Variants in GPR137B observed in about 807,000 individuals in gnomAD.
GPR137B encodes the protein integral membrane protein GPR137B.
In GPR137B, 42 loss-of-function variants were observed where a neutral mutation model predicts 42.5. The ratio of observed to expected loss-of-function variants is 0.99; its 90% confidence interval spans 0.77 to 1.28. The LOEUF is 1.28. Among genes scored for constraint, GPR137B ranks in the 50% most tolerant of loss-of-function variants. The pLI, the probability that GPR137B is intolerant of heterozygous loss-of-function variation, is 0.00. For synonymous variants in GPR137B, 218 were observed against 209.7 expected (o/e 1.04, Z -0.34); for missense variants, 487 against 493.9 (o/e 0.99, Z 0.13).
In GPR137B at chr1:236,188,578, A is replaced by G. The variant is rs1571998864; in HGVS notation, c.966+4672A>G. On this transcript the variant is annotated intron_variant, in intron 5 of 6. Coordinates refer to ENST00000366592, the MANE Select transcript of GPR137B (RefSeq NM_003272.4). Reference sequence around the variant, plus strand: ...CTTTTCTGCATCTATTGAGATCATCATGTAGTTTTTGTCATTGGTTCTGTT... The same window carrying G: ...CTTTTCTGCATCTATTGAGATCATCGTGTAGTTTTTGTCATTGGTTCTGTT... 2.0e-5 allele frequency among the ~76,000 whole-genome samples: 3 copies of G among 152,208 alleles called. No homozygotes were observed. In the South Asian group the frequency reaches 6.2e-4, roughly 32 times the overall value.
intron 1 of GPR137B, among the ~76,000 whole-genome samples, chr1:236,147,847 C>T (rs909234105): frequency 3.3e-5 from 5 of 152,220 alleles, no homozygotes; most frequent in South Asian, 4.1e-4. Flanking sequence ...TCTCCATCTC[C>T]ACTCTCCACC....
chr1:236,207,250 C>T, intron 6 of GPR137B: 10 of 985,202 alleles, frequency 1.0e-5, no homozygotes, highest in Non-Finnish European at 1.2e-5. Context: ...AGAAAGCTGC[C>T]CAATGCGCTG....
At position 236,180,074 on chromosome 1, in the gene GPR137B, G is replaced by C. The variant is rs767330142; in HGVS notation, c.837+46G>C. ...GGTGTCACCTGACCAGGGACTCTTG[G>C]TATCCTCGAGGCATTGGTTCCAGGA... On this transcript the variant is annotated intron_variant, in intron 4 of 6. Coordinates refer to ENST00000366592, the MANE Select transcript of GPR137B (RefSeq NM_003272.4). 5.9e-6 allele frequency: 9 copies of C among 1,537,622 alleles called. No homozygotes were observed. In the Admixed American group the frequency reaches 1.5e-4, roughly 26 times the overall value.
At chr1:236,146,958 G>A (rs1185410328) in intron 1 of GPR137B, among the ~76,000 whole-genome samples, 12 of 152,248 alleles carry the variant, frequency 7.9e-5, no homozygotes, top group Admixed American at 2.0e-4. Flanking sequence ...ACAGGTGTGC[G>A]CCACCACGCC....
intron 6 of GPR137B, among the ~76,000 whole-genome samples, chr1:236,206,152 T>C (rs2102928589): frequency 6.6e-6 from 1 of 152,376 alleles, no homozygotes; most frequent in Admixed American, 6.5e-5. Context: ...CTATAGCATC[T>C]ACTCTGTATC....
At chr1:236,182,486 G>A (rs1170313147) in intron 4 of GPR137B, among the ~76,000 whole-genome samples, 1 of 152,066 alleles carries the variant, frequency 6.6e-6, no homozygotes, top group East Asian at 1.9e-4. Flanking sequence ...GGGTGCAGTG[G>A]CCTGTAATCC....
chr1:236,161,108 A>G (rs997801244), intron 1 of GPR137B, among the ~76,000 whole-genome samples: 3 of 152,062 alleles, frequency 2.0e-5, no homozygotes, highest in Admixed American at 2.0e-4. Context: ...AGGCCCAGGC[A>G]TCATGAATCT....
At chr1:236,149,095 C>T (rs1299034643) in intron 1 of GPR137B, among the ~76,000 whole-genome samples, 3 of 152,236 alleles carry the variant, frequency 2.0e-5, no homozygotes, top group Non-Finnish European at 4.4e-5. Flanking sequence ...CTTGCTTCGA[C>T]ACCCAGCCAC....
intron 3 of GPR137B, 84 bp from the exon 4 acceptor site, chr1:236,179,795 C>T (rs375338240): frequency 9.8e-7 from 1 of 1,020,144 alleles, no homozygotes; most frequent in African/African-American, 1.6e-5. Context: ...AGGGCTTTAC[C>T]AGACTGATAG....
At chr1:236,204,580 T>C (rs1416878567) in intron 5 of GPR137B, among the ~76,000 whole-genome samples, 1 of 152,134 alleles carries the variant, frequency 6.6e-6, no homozygotes, top group African/African-American at 2.4e-5. Context: ...TTGCCTTTTT[T>C]CTCCTTGTTA....
chr1:236,180,201 C>T (rs2102911658), intron 4 of GPR137B, 173 bp downstream of exon 4: 1 of 578,874 alleles, frequency 1.7e-6, no homozygotes, highest in Non-Finnish European at 3.1e-6. Flanking sequence ...TTAAATTAAT[C>T]TCTAGATGAT....
At chr1:236,198,048 A>G (rs1663390834) in intron 5 of GPR137B, among the ~76,000 whole-genome samples, 1 of 151,986 alleles carries the variant, frequency 6.6e-6, no homozygotes. Flanking sequence ...TACGAGTACT[A>G]TGCTGTTTTG....
intron 2 of GPR137B, among the ~76,000 whole-genome samples, chr1:236,174,412 A>C (rs757236329): frequency 2.6e-5 from 4 of 152,196 alleles, no homozygotes; most frequent in Non-Finnish European, 4.4e-5. Flanking sequence ...GCCTGTCCAT[A>C]GATTGAGCTG....
intron 5 of GPR137B, among the ~76,000 whole-genome samples, chr1:236,186,006 A>G (rs1314674138): frequency 6.6e-6 from 1 of 151,356 alleles, no homozygotes; most frequent in Non-Finnish European, 1.5e-5. Context: ...CGACTTTCAT[A>G]TGAATGGAAT....
chr1:236,164,203 G>T (rs938280926), intron 1 of GPR137B, among the ~76,000 whole-genome samples: 7 of 152,150 alleles, frequency 4.6e-5, no homozygotes, highest in Non-Finnish European at 7.3e-5. Context: ...TCCAACCCAG[G>T]GTCTGATGCA....
chr1:236,168,503 TTTAACCATGTTCGAATTCCTTTACTA>T (rs1457504080), intron 1 of GPR137B, among the ~76,000 whole-genome samples, 177 bp from the exon 2 acceptor site: 1 of 152,222 alleles, frequency 6.6e-6, no homozygotes. Flanking sequence ...TGTTTTCTTT[TTTAACCATGTTCGAATTCCTTTACTA>T]TTAAAACTGT....
chr1:236,192,872 A>G (rs1663233404), intron 5 of GPR137B, among the ~76,000 whole-genome samples: 1 of 149,272 alleles, frequency 6.7e-6, no homozygotes, highest in South Asian at 2.1e-4. Flanking sequence ...TTTCCTTTTT[A>G]TCATTTCATT....
At position 236,178,800 on chromosome 1, in the gene GPR137B, T is replaced by G. The variant is rs1342134442; in HGVS notation, c.687+164T>G. ...GCTACTCGAGGTTTTTTTTTTTTTT[T>G]TTTTTTTTTTTTTTTGAGACGGAGT... On this transcript the variant is annotated intron_variant, in intron 3 of 6. Coordinates refer to ENST00000366592, the MANE Select transcript of GPR137B (RefSeq NM_003272.4). Among the ~76,000 whole-genome samples the G allele has an allele frequency of 7.8e-4, 70 of 90,046 alleles. 1 individual carries two copies. The highest frequency in any genetic ancestry group is 2.3e-3 in the African/African-American group (66 of 28,158). The allele number at this position is 90,046 out of a possible 152,430, so 59.1% of individuals were successfully genotyped here.
At chr1:236,204,508 G>A (rs887379633) in intron 5 of GPR137B, among the ~76,000 whole-genome samples, 1 of 152,124 alleles carries the variant, frequency 6.6e-6, no homozygotes, top group Admixed American at 6.5e-5. Flanking sequence ...GAATTCTGCA[G>A]TGAAGCCATT....
Sources: allele counts gnomAD v4.1 joint callset (sites outside exome capture counted in the v4.1 genomes callset), GRCh38; gene constraint gnomAD v4.1.1; transcripts MANE v1.5; gene names NCBI Gene and HGNC (gene_info 2026-07-23, HGNC 2026-07-21).